The following APP variants were observed in gnomAD, a reference collection of about 807,000 sequenced individuals.
The protein encoded by APP is amyloid beta precursor protein, also known as amyloid-beta precursor protein.
Under a neutral mutation model 101.4 loss-of-function variants are expected in APP, and 31 were observed. The observed-to-expected ratio is 0.31, with a 90% CI of 0.23 to 0.41. The LOEUF (loss-of-function observed/expected upper bound fraction) is 0.41, where lower values mean the gene tolerates loss of function less well. Among genes scored for constraint, APP ranks in the 10% least tolerant of loss-of-function variants. The pLI, the probability that APP is intolerant of heterozygous loss-of-function variation, is 1.00. For missense variants in APP, 839 were observed against 1,003.7 expected (o/e 0.84, Z 2.22); for synonymous variants, 366 against 364.4 (o/e 1.00, Z -0.05).
At chr21:25,970,651 C>G (rs2041997468) in intron 11 of APP, among the ~76,000 whole-genome samples, 1 of 152,146 alleles carries the variant, frequency 6.6e-6, no homozygotes, top group African/African-American at 2.4e-5. Context: ...TATTCTTTTT[C>G]AAAAGCTCTT....
intron 6 of APP, among the ~76,000 whole-genome samples, chr21:26,019,731 C>T (rs1471210225): frequency 6.6e-6 from 1 of 151,086 alleles, no homozygotes; most frequent in Non-Finnish European, 1.5e-5. Flanking sequence ...ACTTTCAGTC[C>T]CACTGCAGGC....
chr21:26,105,837 C>G (rs1018083845), intron 2 of APP, among the ~76,000 whole-genome samples: 1 of 152,204 alleles, frequency 6.6e-6, no homozygotes, highest in African/African-American at 2.4e-5. Context: ...CCCTGTCCAG[C>G]CTACAAGCCT....
At chr21:25,957,670 G>A (rs751489268) in intron 11 of APP, among the ~76,000 whole-genome samples, 4 of 151,816 alleles carry the variant, frequency 2.6e-5, no homozygotes, top group Non-Finnish European at 5.9e-5. Flanking sequence ...TGAAGAAAAT[G>A]GGATGAATTT....
chr21:25,969,844 GAAAAGAAAAC>G (rs1413366428), intron 11 of APP, among the ~76,000 whole-genome samples: 5 of 100,908 alleles, frequency 5.0e-5, no homozygotes, highest in East Asian at 2.8e-4. Flanking sequence ...GAAAAGAAAA[GAAAAGAAAAC>G]AAAAGAAAAG....
At chr21:25,969,112 G>A (rs930025896) in intron 11 of APP, among the ~76,000 whole-genome samples, 1 of 151,838 alleles carries the variant, frequency 6.6e-6, no homozygotes. Flanking sequence ...GGCGGAGGCT[G>A]GCGGATCACG....
chr21:26,142,468 A>T (rs937496424), intron 1 of APP, among the ~76,000 whole-genome samples: 1 of 152,228 alleles, frequency 6.6e-6, no homozygotes, highest in South Asian at 2.1e-4. Context: ...CCTATTCAAA[A>T]TTAAGACAGT....
intron 13 of APP, among the ~76,000 whole-genome samples, chr21:25,923,171 A>G (rs2039708494): frequency 9.4e-6 from 1 of 106,314 alleles, no homozygotes; most frequent in Non-Finnish European, 1.8e-5. Flanking sequence ...AAAACTGGCT[A>G]GCCATATGTA....
chr21:25,971,484 C>T (rs1282878958), intron 11 of APP, among the ~76,000 whole-genome samples: 1 of 152,228 alleles, frequency 6.6e-6, no homozygotes, highest in Admixed American at 6.5e-5. Flanking sequence ...GAAACCCACA[C>T]AGAGCCTAGA....
intron 1 of APP, among the ~76,000 whole-genome samples, chr21:26,118,306 G>A (rs1307555875): frequency 2.0e-5 from 3 of 152,142 alleles, no homozygotes; most frequent in Non-Finnish European, 2.9e-5. Context: ...GAATATAAAA[G>A]TGGAATTACA....
At chr21:25,898,623 T>C (rs534591726) in intron 15 of APP, among the ~76,000 whole-genome samples, 2 of 152,342 alleles carry the variant, frequency 1.3e-5, no homozygotes, top group Admixed American at 1.3e-4. Context: ...TTTGATAGAT[T>C]TGCCTGCCCA....
intron 8 of APP, among the ~76,000 whole-genome samples, chr21:25,990,521 C>A (rs1259141295): frequency 6.6e-6 from 1 of 152,086 alleles, no homozygotes; most frequent in Non-Finnish European, 1.5e-5. Context: ...TTCTTGACTT[C>A]GTTAATGGAG....
At chr21:25,992,293 CAG>C (rs943393422) in intron 8 of APP, among the ~76,000 whole-genome samples, 3 of 151,620 alleles carry the variant, frequency 2.0e-5, no homozygotes, top group Admixed American at 6.6e-5. Flanking sequence ...GAGGCTGAGA[CAG>C]GGGGATCTCT....
rs568111583 is a variant in APP at position 25,973,638 on chromosome 21, A to G, written c.1458+1432T>C. ...GCAGAGCTTTCAATATCCCTTGCTC[A>G]ATGACAAACAGAAAGAACAAATGGC... On this transcript the variant is annotated intron_variant, in intron 11 of 17. Coordinates refer to ENST00000346798, the MANE Select transcript of APP (RefSeq NM_000484.4). Among the ~76,000 whole-genome samples the G allele has an allele frequency of 1.3e-4, 20 of 152,230 alleles. No homozygotes were observed. In the East Asian group the frequency reaches 3.9e-3, roughly 29 times the overall value.
At chr21:25,886,614 C>T (rs2037346155) in intron 17 of APP, among the ~76,000 whole-genome samples, 2 of 152,100 alleles carry the variant, frequency 1.3e-5, no homozygotes, top group African/African-American at 2.4e-5. Flanking sequence ...AGGCTGGACT[C>T]GAACTCCTAG....
chr21:26,051,521 C>G (rs867851805), intron 4 of APP, among the ~76,000 whole-genome samples: 4 of 152,170 alleles, frequency 2.6e-5, no homozygotes, highest in Admixed American at 2.6e-4. Context: ...AGAATTAATG[C>G]CTTCTGGCTT....
intron 1 of APP, among the ~76,000 whole-genome samples, chr21:26,129,426 C>T (rs936011750): frequency 1.3e-5 from 2 of 150,970 alleles, no homozygotes; most frequent in African/African-American, 4.9e-5. Flanking sequence ...GCTGAGATCA[C>T]ACCATGTATT....
intron 6 of APP, among the ~76,000 whole-genome samples, chr21:26,010,655 C>CAA (rs111850859): frequency 2.0e-4 from 28 of 142,842 alleles, no homozygotes; most frequent in South Asian, 6.6e-4. Context: ...ACTAAAACTA[C>CAA]AAAAAAAAAA....
At chr21:26,109,869 A>G (rs1175604154) in intron 2 of APP, among the ~76,000 whole-genome samples, 2 of 152,220 alleles carry the variant, frequency 1.3e-5, no homozygotes, top group Non-Finnish European at 2.9e-5. Context: ...AATGTCATAA[A>G]CTAAATTTTA....
At position 26,152,241 on chromosome 21, in the gene APP, C is replaced by T. The variant is rs778422382; in HGVS notation, c.57+18323G>A. 4.6e-4 allele frequency among the ~76,000 whole-genome samples: 65 copies of T among 141,580 alleles called. 1 individual carries two copies. Among genetic ancestry groups the T allele is most frequent in the East Asian group, 1.9e-3 (9 of 4,634 alleles). The allele number at this position is 141,580 out of a possible 152,430, so 92.9% of individuals were successfully genotyped here. On this transcript the variant is annotated intron_variant, in intron 1 of 17. Transcript: ENST00000346798. ...CGGAGCTTGCAGTGAGCCGAGATCG[C>T]GCCACTGCACTCCAGTCTGGGCGAC...
Sources: gnomAD v4.1 joint callset for allele counts (sites outside exome capture counted in the v4.1 genomes callset) on GRCh38, gnomAD v4.1.1 for gene constraint, MANE v1.5 for transcripts, NCBI Gene and HGNC (gene_info 2026-07-23, HGNC 2026-07-21) for gene names.